PRKN: variants seen among roughly 807,000 people sequenced by gnomAD.
PRKN encodes E3 ubiquitin-protein ligase parkin.
Under a neutral mutation model 59.5 loss-of-function variants are expected in PRKN, and 56 were observed. The ratio of observed to expected loss-of-function variants is 0.94; its 90% CI spans 0.76 to 1.18. The LOEUF is 1.18. Among genes scored for constraint, PRKN ranks in the 50% most tolerant of loss-of-function variants. PRKN has a pLI of 0.00. For synonymous variants in PRKN, 250 were observed against 222.1 expected, an observed-to-expected ratio of 1.13 and a Z score of -1.12; for missense variants, 657 against 596.4, an observed-to-expected ratio of 1.10 and a Z score of -1.06.
chr6:162,388,787 G>T (rs1441021013), intron 2 of PRKN, among the ~76,000 whole-genome samples: 1 of 152,052 alleles, frequency 6.6e-6, no homozygotes. Context: ...TACTCTGCTG[G>T]GATGCCAGCA....
chr6:161,862,347 C>G (rs1468383361), intron 6 of PRKN, among the ~76,000 whole-genome samples: 1 of 152,186 alleles, frequency 6.6e-6, no homozygotes, highest in African/African-American at 2.4e-5. Flanking sequence ...CTAAATTGTT[C>G]TAGCCTTGGC....
intron 7 of PRKN, among the ~76,000 whole-genome samples, chr6:161,661,211 C>A (rs1293859890): frequency 6.6e-6 from 1 of 152,156 alleles, no homozygotes; most frequent in African/African-American, 2.4e-5. Context: ...CTCATCTTAT[C>A]CTAAAGAAAA....
At chr6:162,015,775 CA>C (rs1782912455) in intron 5 of PRKN, among the ~76,000 whole-genome samples, 1 of 152,102 alleles carries the variant, frequency 6.6e-6, no homozygotes, top group African/African-American at 2.4e-5. Context: ...TTTCAAATTT[CA>C]AGACTGAAAG....
At chr6:161,634,929 A>C (rs995095753) in intron 7 of PRKN, among the ~76,000 whole-genome samples, 4 of 152,178 alleles carry the variant, frequency 2.6e-5, no homozygotes, top group African/African-American at 9.7e-5. Context: ...CCCTAGAGCA[A>C]GCTGTGGGCT....
At chr6:162,256,276 C>A (rs145243645) in intron 3 of PRKN, among the ~76,000 whole-genome samples, 1 of 152,124 alleles carries the variant, frequency 6.6e-6, no homozygotes, top group African/African-American at 2.4e-5. Flanking sequence ...GTTTTTCTTA[C>A]ATAAGTAGAC....
At chr6:162,541,806 T>G (rs1173422623) in intron 1 of PRKN, among the ~76,000 whole-genome samples, 1 of 152,148 alleles carries the variant, frequency 6.6e-6, no homozygotes, top group Non-Finnish European at 1.5e-5. Context: ...GTATAAGAGT[T>G]AAAAACGAAG....
chr6:162,168,587 A>C (rs1783104456), intron 4 of PRKN, among the ~76,000 whole-genome samples: 1 of 150,918 alleles, frequency 6.6e-6, no homozygotes. Flanking sequence ...AAAAAATCAA[A>C]GCAGCATTTG....
chr6:162,601,215 T>C (rs774966018), intron 1 of PRKN, among the ~76,000 whole-genome samples: 6 of 152,064 alleles, frequency 3.9e-5, no homozygotes, highest in Admixed American at 3.3e-4. Context: ...AGTCCCATCA[T>C]AGTGGCCCCA....
chr6:162,145,086 C>A (rs1339704695), intron 4 of PRKN, among the ~76,000 whole-genome samples: 1 of 152,136 alleles, frequency 6.6e-6, no homozygotes, highest in African/African-American at 2.4e-5. Flanking sequence ...TTCCTGTAGT[C>A]AAGGTATTCA....
rs554948814 is a variant in PRKN, at chr6:161,444,448, G to A, written c.1084-57571C>T. ...TCATTAGATCTCATGAATTTACTCC[G>A]GCATTTCCATTTCCATGCATGCTTT... On this transcript the variant is annotated intron_variant, in intron 9 of 11. Transcript: ENST00000366898. This position sits in a 1 kb window ranked among gnomAD's most constrained non-coding sequence, Gnocchi z 5.6. 2.6e-5 allele frequency among the ~76,000 whole-genome samples: 4 copies of A among 152,222 alleles called. No individual in the cohort carries two copies. The highest frequency in any genetic ancestry group is 4.2e-4 in the South Asian group (2 of 4,814).
chr6:161,508,696 A>G (rs1778263674), intron 9 of PRKN, among the ~76,000 whole-genome samples: 1 of 152,108 alleles, frequency 6.6e-6, no homozygotes, highest in South Asian at 2.1e-4. Flanking sequence ...CAACCCTTTA[A>G]TCATTTTAAT....
At position 161,551,977 on chromosome 6, in the gene PRKN, G is replaced by T. The variant is rs1452515522; in HGVS notation, c.934-2974C>A. 1.3e-5 allele frequency among the ~76,000 whole-genome samples: 2 copies of T among 152,094 alleles called. No individual in the cohort carries two copies. Among genetic ancestry groups the T allele is most frequent in the Non-Finnish European group, 2.9e-5 (2 of 68,020 alleles). On this transcript the variant is annotated intron_variant, in intron 8 of 11. Transcript: ENST00000366898. The surrounding 1 kb of genome is among the most constrained non-coding windows in gnomAD (Gnocchi z 5.2). ...AGAGGAGGCCCGGCTGAGTGCTTAG[G>T]CCCAGGTGCAGACAGGCAGAGGGGT...
chr6:162,308,515 G>A (rs1335673135), intron 2 of PRKN, among the ~76,000 whole-genome samples: 4 of 152,174 alleles, frequency 2.6e-5, no homozygotes. Context: ...GGTCATGAAA[G>A]AAGAGATTGA....
chr6:162,250,495 T>C (rs374050645), intron 3 of PRKN, among the ~76,000 whole-genome samples: 1 of 152,216 alleles, frequency 6.6e-6, no homozygotes, highest in Admixed American at 6.5e-5. Flanking sequence ...CAGAGAGTTG[T>C]ATAATGAGTA....
At chr6:161,698,664 A>G (rs1418015348) in intron 7 of PRKN, among the ~76,000 whole-genome samples, 2 of 152,174 alleles carry the variant, frequency 1.3e-5, no homozygotes, top group Non-Finnish European at 2.9e-5. Flanking sequence ...AACCTCACAT[A>G]TATGGACAAT....
intron 3 of PRKN, among the ~76,000 whole-genome samples, chr6:162,256,077 G>T (rs906504657): frequency 6.6e-6 from 1 of 152,112 alleles, no homozygotes; most frequent in African/African-American, 2.4e-5. Flanking sequence ...AGGAAGAATT[G>T]TAAGATCTTA....
intron 7 of PRKN, among the ~76,000 whole-genome samples, chr6:161,634,888 G>T (rs1582922036): frequency 6.6e-6 from 1 of 152,160 alleles, no homozygotes; most frequent in African/African-American, 2.4e-5. Flanking sequence ...TGCTGAGTGT[G>T]GCATTTCCTC....
At chr6:161,763,688 C>T (rs958885396) in intron 7 of PRKN, among the ~76,000 whole-genome samples, 16 of 152,068 alleles carry the variant, frequency 1.1e-4, no homozygotes, top group Admixed American at 1.0e-3. Flanking sequence ...CCCTTTCCCC[C>T]CCACAACGTG....
intron 3 of PRKN, among the ~76,000 whole-genome samples, chr6:162,245,320 G>T (rs1053714612): frequency 6.6e-6 from 1 of 151,930 alleles, no homozygotes; most frequent in African/African-American, 2.4e-5. Flanking sequence ...GACAAGATTT[G>T]TATCTAGTCT....
Sources: allele counts gnomAD v4.1 joint callset (sites outside exome capture counted in the v4.1 genomes callset), GRCh38; gene constraint gnomAD v4.1.1; non-coding constraint Gnocchi (gnomAD v3.1); transcripts MANE v1.5; gene names NCBI Gene and HGNC (gene_info 2026-07-23, HGNC 2026-07-21).